ZFAND5: variants seen among roughly 807,000 people sequenced by gnomAD.
ZFAND5 encodes AN1-type zinc finger protein 5.
A neutral mutation model predicts 23.6 loss-of-function variants in ZFAND5; 4 were observed. That is an observed-to-expected ratio of 0.17 (90% CI 0.08 to 0.39). The LOEUF is 0.39. Ranked by LOEUF, ZFAND5 falls within the 10% of genes least tolerant of loss-of-function variation. ZFAND5 has a pLI of 1.00. For missense variants in ZFAND5, 161 were observed against 253.7 expected (o/e 0.63, Z 2.48); for synonymous variants, 68 against 80.6 (o/e 0.84, Z 0.84).
At chr9:72,362,985 T>G (rs1331832169) in intron 2 of ZFAND5, among the ~76,000 whole-genome samples, 1 of 151,706 alleles carries the variant, frequency 6.6e-6, no homozygotes. Context: ...ATATCTAACA[T>G]AAGAAAACAA....
chr9:72,356,841 G>A (rs1262722487), intron 6 of ZFAND5, 90 bp downstream of exon 6: 3 of 1,271,070 alleles, frequency 2.4e-6, no homozygotes, highest in African/African-American at 3.3e-5. Context: ...TTTTTTTTAT[G>A]TGTAAGACCA....
At position 72,360,158 on chromosome 9, in the gene ZFAND5, C is replaced by T. The variant is rs1228488122; in HGVS notation, c.215G>A (p.Ser72Asn). The T allele has an allele frequency of 6.2e-7, 1 of 1,612,874 alleles. No individual in the cohort carries two copies. Among genetic ancestry groups the T allele is most frequent in the Non-Finnish European group, 8.5e-7 (1 of 1,179,370 alleles). The part of the protein sequence containing the change: ...DSASVQRADT[S>N]LNNCEGAAGS... Reference sequence around the variant, plus strand: ...AGCAGCACCTTCACAGTTGTTTAAGCTAGTGTCTGCTCTCTGTACAGATGC... The same window carrying T: ...AGCAGCACCTTCACAGTTGTTTAAGTTAGTGTCTGCTCTCTGTACAGATGC... Residue 72 changes from serine to asparagine, a missense_variant, in exon 4 of 7, where the codon AGC becomes AAC. Ser to Asn is a conservative substitution (Grantham distance 46). Coordinates refer to ENST00000376962, the MANE Select transcript of ZFAND5 (RefSeq NM_001102420.3).
rs1841929408 is a variant in ZFAND5, at chr9:72,355,894, T to C, written c.*59A>G. The C allele has an allele frequency of 1.3e-6, 2 of 1,521,676 alleles. No individual in the cohort carries two copies. The highest frequency in any genetic ancestry group is 1.8e-6 in the Non-Finnish European group (2 of 1,127,244). The allele number at this position is 1,521,676 out of a possible 1,614,324, so 94.3% of individuals were successfully genotyped here. A position where few individuals can be genotyped will look rare whatever the true frequency, so the allele number is the denominator to read the frequency against. On this transcript the variant is annotated 3_prime_UTR_variant, in exon 7 of 7. Coordinates refer to ENST00000376962, the MANE Select transcript of ZFAND5 (RefSeq NM_001102420.3). The stretch of plus-strand genomic sequence containing the variant: ...AAATGGCCATGCATCTGCTCTTTAA[T>C]GTTTTCCTACGATATATTAAAATAA...
rs1055961637 is a variant in ZFAND5, at chr9:72,365,037, G to C, written c.-488C>G. On this transcript the variant is annotated 5_prime_UTR_variant, in exon 1 of 7. Transcript: ENST00000376962. The stretch of plus-strand genomic sequence containing the variant: ...CGCCTCACGCCTCCACAGGCCGCAG[G>C]TTGGGCGGACGAGGAGGGCGAGCGG... 6.6e-6 allele frequency: 1 copy of C among 152,194 alleles called. No individual in the cohort carries two copies. The highest frequency in any genetic ancestry group is 2.4e-5 in the African/African-American group (1 of 41,432). 9.4% of individuals were successfully genotyped at this position (152,194 alleles called of 1,614,324 possible). A position where few individuals can be genotyped will look rare whatever the true frequency, so the allele number is the denominator to read the frequency against.
In ZFAND5 at chr9:72,360,634, G is replaced by C; in HGVS notation, c.145C>G (p.Pro49Ala). 6.2e-7 allele frequency: 1 copy of C among 1,613,720 alleles called. No homozygotes were observed. Among genetic ancestry groups the C allele is most frequent in the Non-Finnish European group, 8.5e-7 (1 of 1,179,828 alleles). ...QRQQNSGRMS[P>A]MGTASGSNSP... ...TTCCTTGGAAATAACTTACCCATTG[G>C]GCTCATTCTGCCACTATTTTGCTGC... The change falls in exon 3 of 7, where the codon CCA becomes GCA. Residue 49 changes from proline (P) to alanine (A), a missense_variant. By Grantham distance (27) the Pro-to-Ala change is conservative (BLOSUM62 -1). Transcript: ENST00000376962.
intron 5 of ZFAND5, among the ~76,000 whole-genome samples, chr9:72,359,019 AGTG>A (rs1842020409): frequency 6.6e-6 from 1 of 152,168 alleles, no homozygotes; most frequent in South Asian, 2.1e-4. Context: ...AATAAGTTCT[AGTG>A]TTCAAATATG....
intron 4 of ZFAND5, 22 bp from the exon 5 acceptor site, chr9:72,359,543 A>G (rs1842038526): frequency 1.2e-6 from 2 of 1,608,920 alleles, no homozygotes; most frequent in Admixed American, 3.4e-5. Context: ...CAAGCAAACA[A>G]TTTTTAAAGG....
chr9:72,356,823 CTTT>C (rs34407229), intron 6 of ZFAND5, 105 bp downstream of exon 6: 118,950 of 1,081,848 alleles, frequency 0.11, 27 homozygotes, highest in South Asian at 0.15. Context: ...GCTAGTCAGG[CTTT>C]TTTTTTTTTT....
chr9:72,354,829 A>G lies in ZFAND5; in HGVS notation c.*1124T>C, dbSNP rs1384846405. On this transcript the variant is annotated 3_prime_UTR_variant, in exon 7 of 7. Transcript: ENST00000376962. The stretch of plus-strand genomic sequence containing the variant: ...TACCAGACAAGCATCAGTGAAGTAT[A>G]CTGCCTTTTCTAGTTGTTATTGTAC... 6.6e-6 allele frequency: 1 copy of G among 152,642 alleles called. No individual in the cohort carries two copies. Among genetic ancestry groups the G allele is most frequent in the Non-Finnish European group, 1.5e-5 (1 of 68,036 alleles). The allele number at this position is 152,642 out of a possible 1,614,324, so 9.5% of individuals were successfully genotyped here. A position where few individuals can be genotyped will look rare whatever the true frequency, so the allele number is the denominator to read the frequency against.
chr9:72,357,766 A>G (rs1841985690), intron 5 of ZFAND5, among the ~76,000 whole-genome samples: 1 of 152,110 alleles, frequency 6.6e-6, no homozygotes, highest in South Asian at 2.1e-4. Context: ...CTTATCTAAA[A>G]TGGGCATCCA....
intron 1 of ZFAND5, 186 bp from the exon 2 acceptor site, chr9:72,363,792 G>T (rs1005949145): frequency 5.7e-6 from 2 of 353,340 alleles, no homozygotes; most frequent in Non-Finnish European, 7.9e-6. Flanking sequence ...TATGTTTTTA[G>T]AAGTCTGTAT....
chr9:72,359,366 T>C (rs1842033747), intron 5 of ZFAND5, 52 bp downstream of exon 5: 3 of 1,571,980 alleles, frequency 1.9e-6, no homozygotes, highest in Non-Finnish European at 1.7e-6. Context: ...CCACCAGCCA[T>C]TTCTTGCACT....
At position 72,360,148 on chromosome 9, in the gene ZFAND5, G is replaced by A. The variant is rs779683638; in HGVS notation, c.225C>T (p.Asn75=). The change falls in exon 4 of 7, where the codon AAC becomes AAT. Residue 75 remains asparagine, a synonymous_variant. Coordinates refer to ENST00000376962, the MANE Select transcript of ZFAND5 (RefSeq NM_001102420.3). ...ATGTGCTGCCAGCAGCACCTTCACA[G>A]TTGTTTAAGCTAGTGTCTGCTCTCT... ...SVQRADTSLN[N]CEGAAGSTSE... 8 of 1,612,622 alleles carry A rather than the reference G, an allele frequency of 5.0e-6. No individual in the cohort carries two copies. Among genetic ancestry groups the A allele is most frequent in the African/African-American group, 2.7e-5 (2 of 75,004 alleles).
intron 3 of ZFAND5, 114 bp from the exon 4 acceptor site, chr9:72,360,335 T>C (rs1186830186): frequency 6.3e-6 from 6 of 956,458 alleles, no homozygotes; most frequent in African/African-American, 1.7e-5. Context: ...AAGCATTCAC[T>C]GTGCTGTAAT....
In ZFAND5 at chr9:72,354,830, C is replaced by T. The variant is rs1841894550; in HGVS notation, c.*1123G>A. 6.6e-6 allele frequency: 1 copy of T among 152,574 alleles called. No individual in the cohort carries two copies. 9.5% of individuals were successfully genotyped at this position (152,574 alleles called of 1,614,324 possible). A position where few individuals can be genotyped will look rare whatever the true frequency, so the allele number is the denominator to read the frequency against. ...ACCAGACAAGCATCAGTGAAGTATACTGCCTTTTCTAGTTGTTATTGTACA... is the reference window on the plus strand; with the variant it reads ...ACCAGACAAGCATCAGTGAAGTATATTGCCTTTTCTAGTTGTTATTGTACA... On this transcript the variant is annotated 3_prime_UTR_variant, in exon 7 of 7. Coordinates refer to ENST00000376962, the MANE Select transcript of ZFAND5 (RefSeq NM_001102420.3).
chr9:72,356,231 T>G (rs1841938174), intron 6 of ZFAND5, 130 bp from the exon 7 acceptor site: 1 of 1,133,424 alleles, frequency 8.8e-7, no homozygotes, highest in Non-Finnish European at 1.2e-6. Flanking sequence ...ACTCTTTTCT[T>G]CCACTTCCTG....
intron 3 of ZFAND5, 84 bp from the exon 4 acceptor site, chr9:72,360,305 T>C: frequency 8.6e-7 from 1 of 1,164,088 alleles, no homozygotes. Context: ...AATACTTGCA[T>C]TTAATTAGGT....
At chr9:72,362,212 C>T (rs1473173189) in intron 2 of ZFAND5, among the ~76,000 whole-genome samples, 1 of 152,164 alleles carries the variant, frequency 6.6e-6, no homozygotes, top group Non-Finnish European at 1.5e-5. Flanking sequence ...ATTTAGCTGA[C>T]TCATTTTGGA....
rs908532182 is a variant in ZFAND5, at chr9:72,355,822, T to C, written c.*131A>G. The C allele has an allele frequency of 2.3e-6, 2 of 857,670 alleles. No homozygotes were observed. The highest frequency in any genetic ancestry group is 2.0e-5 in the South Asian group (1 of 50,328). 53.1% of individuals were successfully genotyped at this position (857,670 alleles called of 1,614,324 possible). A position where few individuals can be genotyped will look rare whatever the true frequency, so the allele number is the denominator to read the frequency against. On this transcript the variant is annotated 3_prime_UTR_variant, in exon 7 of 7. Coordinates refer to ENST00000376962, the MANE Select transcript of ZFAND5 (RefSeq NM_001102420.3). ...CACCCAAACATCCTAAAATATCAAT[T>C]ATAAGACAGACAAGTGTAATGTAAA...
Sources: gnomAD v4.1 joint callset for allele counts (sites outside exome capture counted in the v4.1 genomes callset) on GRCh38, gnomAD v4.1.1 for gene constraint, MANE v1.5 for transcripts, NCBI Gene and HGNC (gene_info 2026-07-23, HGNC 2026-07-21) for gene names.